PKIB: variants seen among roughly 807,000 people sequenced by gnomAD.
The protein encoded by PKIB is PKI-beta.
In PKIB, 2 loss-of-function variants were observed where a neutral mutation model predicts 4.5. The ratio of observed to expected loss-of-function variants is 0.44; its 90% CI spans 0.18 to 1.39. The LOEUF (loss-of-function observed/expected upper bound fraction) is 1.39. Ranked by LOEUF, PKIB falls within the 40% of genes most tolerant of loss-of-function variation. The pLI, the probability that PKIB is intolerant of heterozygous loss-of-function variation, is 0.27. For synonymous variants in PKIB, 38 were observed against 36.0 expected, an observed-to-expected ratio of 1.06 and a Z score of -0.20; for missense variants, 94 against 92.6, an observed-to-expected ratio of 1.02 and a Z score of -0.06.
intron 2 of PKIB, among the ~76,000 whole-genome samples, chr6:122,571,925 C>G (rs568278422): frequency 1.2e-4 from 18 of 152,254 alleles, no homozygotes; most frequent in African/African-American, 4.3e-4. Flanking sequence ...AAATGCTTCA[C>G]TTGAAAAGGT....
chr6:122,534,238 CT>C (rs1331278669), intron 2 of PKIB, among the ~76,000 whole-genome samples: 1 of 151,334 alleles, frequency 6.6e-6, no homozygotes. Flanking sequence ...GCCTAGAGGA[CT>C]TTTCTACACC....
At chr6:122,659,006 A>G (rs1278105038) in intron 2 of PKIB, among the ~76,000 whole-genome samples, 1 of 151,962 alleles carries the variant, frequency 6.6e-6, no homozygotes, top group Non-Finnish European at 1.5e-5. Flanking sequence ...AATATTATTA[A>G]TCAAAGCAAC....
At chr6:122,490,489 T>C (rs1775908180) in intron 2 of PKIB, among the ~76,000 whole-genome samples, 1 of 152,062 alleles carries the variant, frequency 6.6e-6, no homozygotes, top group African/African-American at 2.4e-5. Context: ...GATTGGATCA[T>C]GGAGAAAGGT....
At chr6:122,628,272 G>T (rs978452917) in intron 1 of PKIB, among the ~76,000 whole-genome samples, 2 of 152,146 alleles carry the variant, frequency 1.3e-5, no homozygotes, top group African/African-American at 4.8e-5. Flanking sequence ...CCCGACCTCA[G>T]GTGATCCGCC....
At chr6:122,718,663 C>T (rs2115078280) in intron 4 of PKIB, among the ~76,000 whole-genome samples, 1 of 152,240 alleles carries the variant, frequency 6.6e-6, no homozygotes, top group East Asian at 1.9e-4. Context: ...CTCAGGTGGA[C>T]TCTAGTGTAT....
intron 2 of PKIB, among the ~76,000 whole-genome samples, chr6:122,503,416 A>G (rs977644601): frequency 2.0e-5 from 3 of 152,206 alleles, no homozygotes; most frequent in African/African-American, 4.8e-5. Flanking sequence ...ATTTATGTAA[A>G]TATTTCTGTT....
At chr6:122,713,510 T>C (rs939321625) in intron 3 of PKIB, among the ~76,000 whole-genome samples, 1 of 152,220 alleles carries the variant, frequency 6.6e-6, no homozygotes, top group African/African-American at 2.4e-5. Context: ...TTGTCTGTTT[T>C]CTATATGTAT....
At chr6:122,539,494 G>A (rs956758528) in intron 2 of PKIB, among the ~76,000 whole-genome samples, 6 of 151,952 alleles carry the variant, frequency 3.9e-5, no homozygotes, top group Non-Finnish European at 7.3e-5. Flanking sequence ...TTATTGATTT[G>A]CATATGTGGA....
chr6:122,634,371 T>TAATA (rs1371965377), intron 2 of PKIB, among the ~76,000 whole-genome samples: 3 of 151,888 alleles, frequency 2.0e-5, no homozygotes, highest in African/African-American at 7.3e-5. Flanking sequence ...AATAAATAAA[T>TAATA]AATAAATAAA....
At chr6:122,553,227 T>C (rs1303009182) in intron 2 of PKIB, among the ~76,000 whole-genome samples, 1 of 152,086 alleles carries the variant, frequency 6.6e-6, no homozygotes, top group Non-Finnish European at 1.5e-5. Context: ...TGTATTCTGC[T>C]CCTAACCTCT....
At chr6:122,687,526 A>C (rs1372616664) in intron 3 of PKIB, among the ~76,000 whole-genome samples, 3 of 152,150 alleles carry the variant, frequency 2.0e-5, no homozygotes, top group Non-Finnish European at 4.4e-5. Context: ...ATATTTTCAT[A>C]GGGACTGTAT....
chr6:122,711,172 A>G (rs4406270), intron 3 of PKIB, among the ~76,000 whole-genome samples: 35,806 of 152,036 alleles, frequency 0.24, 4,885 homozygotes, highest in Middle Eastern at 0.36. Context: ...AGGGACACAC[A>G]CACCCCACTC....
At chr6:122,651,701 G>A (rs753623788) in intron 2 of PKIB, among the ~76,000 whole-genome samples, 2 of 152,132 alleles carry the variant, frequency 1.3e-5, no homozygotes, top group African/African-American at 4.8e-5. Flanking sequence ...TGAGAGTCTG[G>A]TTTTGAAATC....
Position 122,610,414 on chromosome 6 carries a change from C to T in PKIB, c.-282C>T, listed in dbSNP as rs1255940805. 1.3e-5 allele frequency: 2 copies of T among 152,208 alleles called. No homozygotes were observed. The highest frequency in any genetic ancestry group is 2.9e-5 in the Non-Finnish European group (2 of 68,052). The allele number at this position is 152,208 out of a possible 1,614,324, so 9.4% of individuals were successfully genotyped here. A position where few individuals can be genotyped will look rare whatever the true frequency, so the allele number is the denominator to read the frequency against. ...CCCAGCCCAGTAGCTCAGACGCGGC[C>T]GCATCCCGGTGGACTGTAGAGGCGG... is the stretch of plus-strand genomic sequence containing the variant. On this transcript the variant is annotated 5_prime_UTR_variant, in exon 1 of 5. Transcript: ENST00000368452.
upstream of PKIB, among the ~76,000 whole-genome samples, chr6:122,608,494 G>A (rs530826712): frequency 2.0e-5 from 3 of 152,250 alleles, no homozygotes; most frequent in African/African-American, 2.4e-5. Flanking sequence ...AAACCTTTCC[G>A]CATCTTCTCC....
At chr6:122,609,489 G>T (rs1774661070), upstream of PKIB, among the ~76,000 whole-genome samples, 1 of 152,168 alleles carries the variant, frequency 6.6e-6, no homozygotes, top group Non-Finnish European at 1.5e-5. Context: ...CCATATTTAG[G>T]CTTTTGCCTA....
chr6:122,511,628 A>T (rs1307049020), intron 2 of PKIB, among the ~76,000 whole-genome samples: 2 of 152,140 alleles, frequency 1.3e-5, no homozygotes, highest in Non-Finnish European at 2.9e-5. Flanking sequence ...GTTCTTTAAA[A>T]TGGGAGCCAG....
chr6:122,698,049 A>G (rs1267122438), intron 3 of PKIB, among the ~76,000 whole-genome samples: 2 of 152,206 alleles, frequency 1.3e-5, no homozygotes, highest in African/African-American at 2.4e-5. Context: ...CATTGCCAAG[A>G]TAAATGTCTA....
At chr6:122,612,795 T>G (rs2114764080) in intron 1 of PKIB, among the ~76,000 whole-genome samples, 1 of 152,310 alleles carries the variant, frequency 6.6e-6, no homozygotes, top group East Asian at 1.9e-4. Context: ...TCATTTCTCT[T>G]GGGTAGATGC....
Sources: gnomAD v4.1 joint callset for allele counts (sites outside exome capture counted in the v4.1 genomes callset) on GRCh38, gnomAD v4.1.1 for gene constraint, MANE v1.5 for transcripts, NCBI Gene and HGNC (gene_info 2026-07-23, HGNC 2026-07-21) for gene names.